HDAC9: variants seen among roughly 807,000 people sequenced by gnomAD.
HDAC9 encodes the protein histone deacetylase 9.
Under a neutral mutation model 139.4 loss-of-function variants are expected in HDAC9, and 41 were observed. That is an observed-to-expected ratio of 0.29 (90% CI 0.23 to 0.38). The LOEUF is 0.38. Ranked by LOEUF, HDAC9 falls within the 10% of genes least tolerant of loss-of-function variation. The pLI is 1.00. For synonymous variants in HDAC9, 517 were observed against 476.2 expected, an observed-to-expected ratio of 1.09 and a Z score of -1.12; for missense variants, 1,147 against 1,297.0, an observed-to-expected ratio of 0.88 and a Z score of 1.78.
rs1562714132 is a variant in HDAC9 at position 18,179,105 on chromosome 7, T to C, written c.25+16756T>C. On this transcript the variant is annotated intron_variant, in intron 2 of 12. Coordinates refer to the HDAC9 transcript ENST00000417496. The stretch of plus-strand genomic sequence containing the variant: ...CTTTCATATTTGCCCAGGAAGCTTA[T>C]TTTTCTAAAGATTATGGAAATAACA... Among the ~76,000 whole-genome samples, 5 of 152,196 alleles carry C rather than the reference T, an allele frequency of 3.3e-5. No individual in the cohort carries two copies. In the South Asian group the frequency reaches 1.0e-3, roughly 31 times the overall value.
rs935012271 is a variant in HDAC9 at position 18,321,095 on chromosome 7, A to G, written c.-42+30580A>G. ...TTCCTCTATCCACACCTCAAGGCCT[A>G]AGGACTCTAACATATGTAAGGCAAG... On this transcript the variant is annotated intron_variant, in intron 1 of 3. Coordinates refer to the HDAC9 transcript ENST00000413509. 3.3e-5 allele frequency among the ~76,000 whole-genome samples: 5 copies of G among 152,180 alleles called. No individual in the cohort carries two copies. In the East Asian group the frequency reaches 9.6e-4, roughly 29 times the overall value.
At chr7:18,966,205 T>C (rs1783834027) in intron 24 of HDAC9, among the ~76,000 whole-genome samples, 2 of 152,236 alleles carry the variant, frequency 1.3e-5, no homozygotes, top group African/African-American at 4.8e-5. Flanking sequence ...AACCCATCTC[T>C]CTTTTCCTGG....
chr7:18,093,812 C>T (rs1254216315), intron 1 of HDAC9, among the ~76,000 whole-genome samples: 1 of 152,146 alleles, frequency 6.6e-6, no homozygotes, highest in African/African-American at 2.4e-5. Flanking sequence ...CCTCTTTCTA[C>T]TCTGTGGTGC....
At chr7:18,213,346 A>G (rs977996051) in intron 2 of HDAC9, among the ~76,000 whole-genome samples, 4 of 152,104 alleles carry the variant, frequency 2.6e-5, no homozygotes, top group Admixed American at 6.6e-5. Flanking sequence ...GATTTTTCAT[A>G]TTTGAAATTA....
intron 17 of HDAC9, among the ~76,000 whole-genome samples, chr7:18,794,043 C>A (rs183926190): frequency 1.6e-3 from 244 of 152,300 alleles, no homozygotes; most frequent in Non-Finnish European, 2.9e-3. Flanking sequence ...CAAACCCCAG[C>A]GTTTCCCAGT....
chr7:18,512,594 AG>A (rs1347357868), intron 2 of HDAC9, among the ~76,000 whole-genome samples: 1 of 152,220 alleles, frequency 6.6e-6, no homozygotes, highest in African/African-American at 2.4e-5. Flanking sequence ...TTTTTAAAAA[AG>A]ATGCTTGATG....
chr7:18,591,963 G>A (rs1427806530), intron 5 of HDAC9, among the ~76,000 whole-genome samples: 1 of 152,150 alleles, frequency 6.6e-6, no homozygotes, highest in Non-Finnish European at 1.5e-5. Context: ...ACTGACAAAT[G>A]TGAGGTGGGC....
chr7:18,275,909 A>T (rs1796689889), intron 2 of HDAC9, among the ~76,000 whole-genome samples: 1 of 152,170 alleles, frequency 6.6e-6, no homozygotes, highest in Non-Finnish European at 1.5e-5. Context: ...CCCATGATAA[A>T]ACATAAAGTT....
At chr7:18,736,184 G>A (rs1047373574) in intron 13 of HDAC9, among the ~76,000 whole-genome samples, 25 of 152,046 alleles carry the variant, frequency 1.6e-4, no homozygotes, top group Non-Finnish European at 2.9e-4. Context: ...CTGCAAACAG[G>A]GACAATTTCA....
chr7:18,740,107 A>G (rs1178150), intron 13 of HDAC9, among the ~76,000 whole-genome samples: 36,664 of 152,134 alleles, frequency 0.24, 4,774 homozygotes, highest in East Asian at 0.53. Context: ...TCGTCTGCCG[A>G]TTGCTAAGAC....
chr7:18,730,314 A>T (rs1384462624), intron 13 of HDAC9, among the ~76,000 whole-genome samples: 1 of 152,190 alleles, frequency 6.6e-6, no homozygotes, highest in African/African-American at 2.4e-5. Context: ...AATCCACATG[A>T]TCTCAAAAAT....
intron 17 of HDAC9, among the ~76,000 whole-genome samples, chr7:18,807,084 G>A (rs1460027896): frequency 6.6e-6 from 1 of 151,960 alleles, no homozygotes; most frequent in African/African-American, 2.4e-5. Flanking sequence ...TTTGGTCCTG[G>A]GTTTTACTTT....
chr7:18,421,286 A>C (rs1375165099), intron 1 of HDAC9, among the ~76,000 whole-genome samples: 1 of 152,090 alleles, frequency 6.6e-6, no homozygotes, highest in Non-Finnish European at 1.5e-5. Context: ...ACTTCTTTCC[A>C]AAATCTTTTA....
chr7:18,157,857 G>A (rs894652259), intron 1 of HDAC9, among the ~76,000 whole-genome samples: 2 of 149,570 alleles, frequency 1.3e-5, no homozygotes, highest in Non-Finnish European at 3.0e-5. Context: ...GAGAGACTGA[G>A]GATCTGATGA....
At chr7:18,206,732 A>C (rs1445258926) in intron 2 of HDAC9, among the ~76,000 whole-genome samples, 1 of 152,142 alleles carries the variant, frequency 6.6e-6, no homozygotes. Context: ...GACCTTAAAA[A>C]ATTCACTTTT....
intron 1 of HDAC9, among the ~76,000 whole-genome samples, chr7:18,447,313 A>G (rs1792384403): frequency 6.6e-6 from 1 of 152,180 alleles, no homozygotes; most frequent in African/African-American, 2.4e-5. Flanking sequence ...TTTTACAGAA[A>G]CACTTATATA....
chr7:18,271,793 T>G (rs1386263591), intron 2 of HDAC9, among the ~76,000 whole-genome samples: 1 of 152,194 alleles, frequency 6.6e-6, no homozygotes, highest in East Asian at 1.9e-4. Context: ...ACCTGCCTTC[T>G]GCAGGAATCT....
intron 1 of HDAC9, among the ~76,000 whole-genome samples, chr7:18,100,462 C>T (rs943896255): frequency 3.9e-5 from 6 of 152,018 alleles, no homozygotes; most frequent in Non-Finnish European, 8.8e-5. Flanking sequence ...CACTGATGCT[C>T]TGTTTGTTTA....
At chr7:18,993,793 A>G (rs992477994) in intron 25 of HDAC9, among the ~76,000 whole-genome samples, 1 of 152,146 alleles carries the variant, frequency 6.6e-6, no homozygotes, top group African/African-American at 2.4e-5. Context: ...ACAGAGTGAG[A>G]CCCTGTCTCA....
Sources: gnomAD v4.1 joint callset for allele counts (sites outside exome capture counted in the v4.1 genomes callset) on GRCh38, gnomAD v4.1.1 for gene constraint, MANE v1.5 for transcripts, NCBI Gene and HGNC (gene_info 2026-07-23, HGNC 2026-07-21) for gene names.